Variants in GALNTL5 observed in about 807,000 individuals in gnomAD.
GALNTL5 encodes the protein polypeptide N-acetylgalactosaminyltransferase like 5.
In GALNTL5, 44 loss-of-function variants were observed where a neutral mutation model predicts 51.0. That is an observed-to-expected ratio of 0.86 (90% CI 0.68 to 1.11). The LOEUF is 1.11. Among genes scored for constraint, GALNTL5 ranks in the 50% least tolerant of loss-of-function variants. The pLI is 0.00. For synonymous variants in GALNTL5, 192 were observed against 182.8 expected, an observed-to-expected ratio of 1.05 and a Z score of -0.41; for missense variants, 528 against 531.8, an observed-to-expected ratio of 0.99 and a Z score of 0.07.
intron 4 of GALNTL5, among the ~76,000 whole-genome samples, chr7:151,985,301 T>C (rs912792440): frequency 2.0e-5 from 3 of 151,730 alleles, no homozygotes; most frequent in Non-Finnish European, 4.4e-5. Flanking sequence ...GACTAGGGGG[T>C]CGCTGCTGCC....
intron 5 of GALNTL5, among the ~76,000 whole-genome samples, chr7:151,989,221 C>A (rs2081397308): frequency 6.6e-6 from 1 of 151,736 alleles, no homozygotes; most frequent in South Asian, 2.1e-4. Context: ...GTGATCTCAG[C>A]TCACTGCAAC....
At chr7:151,966,267 C>CTT (rs199729215) in intron 1 of GALNTL5, among the ~76,000 whole-genome samples, 1 of 143,890 alleles carries the variant, frequency 6.9e-6, no homozygotes. Flanking sequence ...TCTTTTCTTT[C>CTT]TTTTTTTTTT....
intron 1 of GALNTL5, chr7:151,960,110 G>T (rs1398733964): frequency 2.0e-5 from 3 of 152,190 alleles, no homozygotes; most frequent in Non-Finnish European, 2.9e-5. Flanking sequence ...GCTAACAAGG[G>T]CCTCTGACTC....
chr7:151,967,420 T>C lies in GALNTL5; in HGVS notation c.174T>C (p.Tyr58=), dbSNP rs751446388. The change falls in exon 2 of 9, where the codon TAT becomes TAC. Residue 58 remains tyrosine, a synonymous_variant. Transcript: ENST00000392800. ...AAAAAGTGCATCAGCAAATTATCTA[T>C]GGCTCAGAGCAAATACCAAAACCTC... The part of the protein sequence containing the change: ...PGKKVHQQII[Y]GSEQIPKPHV... The C allele has an allele frequency of 2.5e-6, 4 of 1,614,114 alleles. No individual in the cohort carries two copies. The highest frequency in any genetic ancestry group is 1.7e-5 in the Admixed American group (1 of 60,028).
rs533269008 is a variant in GALNTL5 at position 152,003,026 on chromosome 7, G to C, written c.908+63G>C. The C allele has an allele frequency of 2.3e-5, 33 of 1,420,178 alleles. No homozygotes were observed. The South Asian group carries it at 4.1e-4, about 18-fold the overall frequency. 88.0% of individuals were successfully genotyped at this position (1,420,178 alleles called of 1,614,324 possible). A position where few individuals can be genotyped will look rare whatever the true frequency, so the allele number is the denominator to read the frequency against. On this transcript the variant is annotated intron_variant, in intron 6 of 8. Transcript: ENST00000392800. ...GTGTATTGAGACCCAGGGGGAAAAAGCCTCCAGAGATTATTCTTTCAAGTT... is the reference window on the plus strand; with the variant it reads ...GTGTATTGAGACCCAGGGGGAAAAACCCTCCAGAGATTATTCTTTCAAGTT...
At position 151,967,325 on chromosome 7, in the gene GALNTL5, T is replaced by A; in HGVS notation, c.79T>A (p.Leu27Met). ...GIWTALLFIYLHHNHVSSWQK... is the reference protein window; with the variant it reads ...GIWTALLFIYMHHNHVSSWQK... The stretch of plus-strand genomic sequence containing the variant: ...CTGGACAGCTCTGTTATTCATATAT[T>A]TGCACCATAATCATGTGAGCAGCTG... Residue 27 changes from leucine to methionine, a missense_variant, in exon 2 of 9, where the codon TTG becomes ATG. Coordinates refer to ENST00000392800, the MANE Select transcript of GALNTL5 (RefSeq NM_145292.4). 1 of 1,614,150 alleles carries A rather than the reference T, an allele frequency of 6.2e-7. No homozygotes were observed. Among genetic ancestry groups the A allele is most frequent in the Non-Finnish European group, 8.5e-7 (1 of 1,180,010 alleles).
chr7:151,961,188 A>G (rs2080986782), intron 1 of GALNTL5, among the ~76,000 whole-genome samples: 1 of 149,880 alleles, frequency 6.7e-6, no homozygotes, highest in Non-Finnish European at 1.5e-5. Context: ...GTGAGACACC[A>G]ACTCACAAAC....
chr7:152,001,487 G>A (rs149525243), intron 5 of GALNTL5, among the ~76,000 whole-genome samples: 35 of 152,086 alleles, frequency 2.3e-4, no homozygotes, highest in East Asian at 5.8e-4. Flanking sequence ...TGGATATTCC[G>A]TTGCCTCAGC....
intron 5 of GALNTL5, among the ~76,000 whole-genome samples, chr7:152,001,896 G>C (rs1177121036): frequency 1.3e-5 from 2 of 152,134 alleles, no homozygotes; most frequent in East Asian, 1.9e-4. Flanking sequence ...ACAAGAAAAA[G>C]TCTAAACTCT....
At chr7:152,011,105 G>A (rs78053172) in intron 7 of GALNTL5, among the ~76,000 whole-genome samples, 2,515 of 152,214 alleles carry the variant, frequency 0.017, 65 homozygotes, top group African/African-American at 0.054. Context: ...GAACTAGTAA[G>A]CACTCTGCTC....
intron 3 of GALNTL5, among the ~76,000 whole-genome samples, chr7:151,976,235 T>C (rs2081203422): frequency 6.6e-6 from 1 of 152,232 alleles, no homozygotes; most frequent in Admixed American, 6.5e-5. Context: ...TTGCTTTATA[T>C]ATTTAGGTTC....
intron 5 of GALNTL5, among the ~76,000 whole-genome samples, chr7:151,989,180 C>T (rs1408432111): frequency 2.0e-5 from 3 of 150,654 alleles, no homozygotes; most frequent in Admixed American, 6.6e-5. Flanking sequence ...TAGACAGTCT[C>T]GCTCTGTCAC....
intron 3 of GALNTL5, among the ~76,000 whole-genome samples, chr7:151,980,458 G>T (rs62479995): frequency 0.2 from 30,680 of 152,090 alleles, 3,327 homozygotes; most frequent in East Asian, 0.38. Flanking sequence ...AGACGGTGCA[G>T]GTGCCCTCAT....
At chr7:151,983,927 A>G (rs750472188) in intron 4 of GALNTL5, among the ~76,000 whole-genome samples, 1 of 151,878 alleles carries the variant, frequency 6.6e-6, no homozygotes, top group Non-Finnish European at 1.5e-5. Context: ...TTAAAAGGGA[A>G]CTCCCAGCCC....
intron 4 of GALNTL5, chr7:151,984,195 G>T (rs576182026): frequency 6.6e-6 from 1 of 152,334 alleles, no homozygotes; most frequent in Admixed American, 6.5e-5. Context: ...CAGACCAACT[G>T]CAGTTAAGTG....
intron 3 of GALNTL5, among the ~76,000 whole-genome samples, chr7:151,977,621 A>G (rs994778971): frequency 9.2e-5 from 14 of 152,116 alleles, no homozygotes; most frequent in African/African-American, 3.4e-4. Context: ...ATGAATTTGA[A>G]AGTTTTTGAC....
At chr7:151,972,396 T>G (rs78826709) in intron 3 of GALNTL5, among the ~76,000 whole-genome samples, 3,406 of 152,280 alleles carry the variant, frequency 0.022, 133 homozygotes, top group African/African-American at 0.077. Context: ...ACCCATTTTC[T>G]GGGGAGAAAT....
intron 3 of GALNTL5, among the ~76,000 whole-genome samples, chr7:151,972,872 T>G (rs1259289757): frequency 6.6e-6 from 1 of 151,638 alleles, no homozygotes; most frequent in Non-Finnish European, 1.5e-5. Context: ...AATGCAGAGG[T>G]GAAATGTGGG....
chr7:151,978,242 T>G (rs1484389112), intron 3 of GALNTL5, among the ~76,000 whole-genome samples: 1 of 152,218 alleles, frequency 6.6e-6, no homozygotes, highest in African/African-American at 2.4e-5. Context: ...ATTTACAATT[T>G]TTAACTTCCT....
Sources: gnomAD v4.1 joint callset for allele counts (sites outside exome capture counted in the v4.1 genomes callset) on GRCh38, gnomAD v4.1.1 for gene constraint, MANE v1.5 for transcripts, NCBI Gene and HGNC (gene_info 2026-07-23, HGNC 2026-07-21) for gene names.